CHD7: variants seen among roughly 807,000 people sequenced by gnomAD.
CHD7 encodes chromodomain helicase DNA binding protein 7, also known as ATP-dependent chromatin remodeler CHD7.
In CHD7, 24 loss-of-function variants were observed where a neutral mutation model predicts 307.3. That is an observed-to-expected ratio of 0.08 (90% confidence interval 0.06 to 0.11). The LOEUF (loss-of-function observed/expected upper bound fraction) is 0.11. CHD7 is among the 10% of genes least tolerant of loss of function. The pLI is 1.00. For synonymous variants in CHD7, 1,363 were observed against 1,349.9 expected, an observed-to-expected ratio of 1.01 and a Z score of -0.21; for missense variants, 3,106 against 3,727.1, an observed-to-expected ratio of 0.83 and a Z score of 4.34.
At chr8:60,735,046 G>C (rs944005770) in intron 1 of CHD7, among the ~76,000 whole-genome samples, 2 of 152,100 alleles carry the variant, frequency 1.3e-5, no homozygotes, top group African/African-American at 4.8e-5. Context: ...ATCTGGGAGA[G>C]AGCATTAGCA....
chr8:60,807,252 G>A (rs933679849), intron 6 of CHD7, among the ~76,000 whole-genome samples: 2 of 152,164 alleles, frequency 1.3e-5, no homozygotes, highest in Non-Finnish European at 2.9e-5. Context: ...GGAGGTGGCT[G>A]AACAGCCATA....
At chr8:60,863,718 C>G (rs1215400485) in intron 37 of CHD7, 1 of 150,786 alleles carries the variant, frequency 6.6e-6, no homozygotes, top group Non-Finnish European at 1.5e-5. Flanking sequence ...ATTTTTCTCC[C>G]ATACAATATC....
chr8:60,856,957 A>G (rs1355719787), intron 34 of CHD7, 69 bp downstream of exon 34: 3 of 1,373,828 alleles, frequency 2.2e-6, no homozygotes, highest in African/African-American at 2.9e-5. Context: ...GATGCTCACG[A>G]TGCTGGGCTG....
rs185417649 is a variant in CHD7, at chr8:60,744,669, A to G, written c.1665+1572A>G. 4.7e-3 allele frequency among the ~76,000 whole-genome samples: 719 copies of G among 151,916 alleles called. 2 individuals are homozygous for G. The highest frequency in any genetic ancestry group is 0.016 in the African/African-American group (677 of 41,440). On this transcript the variant is annotated intron_variant, in intron 2 of 37. Transcript: ENST00000423902. The stretch of plus-strand genomic sequence containing the variant: ...GGAGTTCAATGCCAAACTGGCCAAC[A>G]TGGTGAAACCCCGTCTCTATTAAAA...
intron 15 of CHD7, among the ~76,000 whole-genome samples, chr8:60,832,561 A>G (rs1476272170): frequency 6.6e-6 from 1 of 152,212 alleles, no homozygotes; most frequent in African/African-American, 2.4e-5. Flanking sequence ...GTTTGCATTT[A>G]ATAGCTGGTA....
intron 1 of CHD7, among the ~76,000 whole-genome samples, chr8:60,719,302 A>G (rs1807777580): frequency 1.3e-5 from 2 of 152,216 alleles, no homozygotes; most frequent in Non-Finnish European, 2.9e-5. Flanking sequence ...GGCTGAAAAT[A>G]TTTTGTAAAG....
At chr8:60,785,695 A>C (rs1811457259) in intron 3 of CHD7, among the ~76,000 whole-genome samples, 1 of 152,228 alleles carries the variant, frequency 6.6e-6, no homozygotes, top group African/African-American at 2.4e-5. Flanking sequence ...ATTTCTTAAT[A>C]GAGATTAGGC....
At chr8:60,702,847 A>G (rs977996757) in intron 1 of CHD7, among the ~76,000 whole-genome samples, 2 of 152,226 alleles carry the variant, frequency 1.3e-5, no homozygotes, top group African/African-American at 4.8e-5. Flanking sequence ...ATCTCTGGTC[A>G]GCTGGTGGCT....
At chr8:60,786,994 C>T (rs920029172) in intron 3 of CHD7, among the ~76,000 whole-genome samples, 1 of 152,006 alleles carries the variant, frequency 6.6e-6, no homozygotes, top group Non-Finnish European at 1.5e-5. Flanking sequence ...AGCATTCAGA[C>T]GTTAAATAGG....
At chr8:60,759,474 T>TCTCC in intron 2 of CHD7, among the ~76,000 whole-genome samples, 1 of 144,042 alleles carries the variant, frequency 6.9e-6, no homozygotes, top group South Asian at 2.4e-4. Context: ...CCTCTCTCCC[T>TCTCC]CTCTCCCTCT....
intron 1 of CHD7, among the ~76,000 whole-genome samples, chr8:60,718,741 C>G (rs1023382246): frequency 4.6e-5 from 7 of 152,098 alleles, no homozygotes; most frequent in African/African-American, 1.5e-4. Context: ...TTTATAAAGT[C>G]TACAGCAGTG....
At chr8:60,763,385 G>A (rs1022542803) in intron 2 of CHD7, among the ~76,000 whole-genome samples, 3 of 152,076 alleles carry the variant, frequency 2.0e-5, no homozygotes, top group Non-Finnish European at 4.4e-5. Flanking sequence ...CATGGCTGGT[G>A]GCTGCCACGT....
chr8:60,832,154 T>G (rs1804547062), intron 15 of CHD7, among the ~76,000 whole-genome samples: 2 of 152,166 alleles, frequency 1.3e-5, no homozygotes, highest in Non-Finnish European at 2.9e-5. Flanking sequence ...CCTGAGTAGC[T>G]GGGACTACAG....
intron 15 of CHD7, among the ~76,000 whole-genome samples, chr8:60,835,202 T>TTA (rs1389148661): frequency 2.6e-5 from 4 of 152,172 alleles, no homozygotes; most frequent in Non-Finnish European, 2.9e-5. Flanking sequence ...TGAAGGAAGC[T>TTA]TAGCCTGCTG....
At chr8:60,684,259 T>C (rs1295948751) in intron 1 of CHD7, among the ~76,000 whole-genome samples, 1 of 152,218 alleles carries the variant, frequency 6.6e-6, no homozygotes, top group Non-Finnish European at 1.5e-5. Flanking sequence ...AAAGTGACCC[T>C]TTGAGCCTTG....
At chr8:60,796,441 G>T (rs1225456144) in intron 4 of CHD7, among the ~76,000 whole-genome samples, 7 of 152,112 alleles carry the variant, frequency 4.6e-5, no homozygotes, top group Non-Finnish European at 8.8e-5. Flanking sequence ...CCTGATTTAT[G>T]TTTGCTTAAA....
Position 60,837,784 on chromosome 8 carries a change from G to A in CHD7, c.4302G>A (p.Leu1434=), listed in dbSNP as rs760088130. The A allele has an allele frequency of 3.6e-5, 58 of 1,613,730 alleles. No homozygotes were observed. The highest frequency in any genetic ancestry group is 4.3e-5 in the Non-Finnish European group (51 of 1,179,822). Residue 1434 remains leucine (L), a synonymous_variant, in exon 18 of 38, where the codon CTG becomes CTA. Coordinates refer to ENST00000423902, the MANE Select transcript of CHD7 (RefSeq NM_017780.4). ...ACAAGGCTAGTTTGAAACTGGGCCT[G>A]GATAAAGCTGTGCTACAGTCTATGA... is the stretch of plus-strand genomic sequence containing the variant. ...MFDKASLKLG[L]DKAVLQSMSG...
intron 3 of CHD7, among the ~76,000 whole-genome samples, chr8:60,787,980 C>T (rs1811581628): frequency 2.0e-5 from 3 of 151,864 alleles, no homozygotes; most frequent in African/African-American, 7.3e-5. Flanking sequence ...CACCACCACG[C>T]CCTGCTAATT....
chr8:60,777,640 T>C (rs1306733489), intron 2 of CHD7, among the ~76,000 whole-genome samples: 1 of 152,208 alleles, frequency 6.6e-6, no homozygotes, highest in Non-Finnish European at 1.5e-5. Context: ...TGCTGTTTTA[T>C]ATACGATAAT....
Sources: allele counts gnomAD v4.1 joint callset (sites outside exome capture counted in the v4.1 genomes callset), GRCh38; gene constraint gnomAD v4.1.1; transcripts MANE v1.5; gene names NCBI Gene and HGNC (gene_info 2026-07-23, HGNC 2026-07-21).